Variants in IQCH observed in about 807,000 individuals in gnomAD.
IQCH encodes the protein IQ domain-containing protein H.
A neutral mutation model predicts 117.0 loss-of-function variants in IQCH; 98 were observed. The observed-to-expected ratio is 0.84, with a 90% confidence interval of 0.71 to 0.99. IQCH has a LOEUF of 0.99. Among genes scored for constraint, IQCH ranks in the 50% least tolerant of loss-of-function variants. The probability of loss-of-function intolerance (pLI) is 0.00; values close to 1 mark genes in which losing one functional copy is unlikely to be tolerated. For synonymous variants in IQCH, 412 were observed against 448.2 expected (o/e 0.92, Z 1.02); for missense variants, 1,102 against 1,243.8 (o/e 0.89, Z 1.72).
chr15:67,415,011 C>T (rs1294334431), intron 14 of IQCH, among the ~76,000 whole-genome samples: 1 of 152,102 alleles, frequency 6.6e-6, no homozygotes, highest in African/African-American at 2.4e-5. Context: ...CTTTGGGGCA[C>T]TTCATAAATC....
chr15:67,299,786 G>T (rs1387048483), intron 4 of IQCH, among the ~76,000 whole-genome samples: 1 of 151,936 alleles, frequency 6.6e-6, no homozygotes, highest in Non-Finnish European at 1.5e-5. Flanking sequence ...TGTCTTTTTG[G>T]CAGGACTACT....
chr15:67,301,064 A>G (rs1967002414), intron 4 of IQCH, among the ~76,000 whole-genome samples: 1 of 152,134 alleles, frequency 6.6e-6, no homozygotes. Context: ...AAGAATACAA[A>G]GTTTAGATTG....
Position 67,453,723 on chromosome 15 carries a change from G to A in IQCH, c.2506-11404G>A, listed in dbSNP as rs1404520765. On this transcript the variant is annotated intron_variant, in intron 16 of 20. Coordinates refer to ENST00000335894, the MANE Select transcript of IQCH (RefSeq NM_001031715.3). This position sits in a 1 kb window ranked among gnomAD's most constrained non-coding sequence, Gnocchi z 5.8. ...CCCGTTCTCAGATCTCAAGCTGCAT[G>A]CTGGGAGAACCACTACTCTTCAAAG... Among the ~76,000 whole-genome samples the A allele has an allele frequency of 1.3e-5, 2 of 152,190 alleles. No individual in the cohort carries two copies.
At position 67,401,109 on chromosome 15, in the gene IQCH, T is replaced by G. The variant is rs1453755192; in HGVS notation, c.2097+804T>G. Among the ~76,000 whole-genome samples, 7 of 152,212 alleles carry G rather than the reference T, an allele frequency of 4.6e-5. No individual in the cohort carries two copies. Among genetic ancestry groups the G allele is most frequent in the Admixed American group, 4.6e-4 (7 of 15,278 alleles). On this transcript the variant is annotated intron_variant, in intron 14 of 20. Coordinates refer to ENST00000335894, the MANE Select transcript of IQCH (RefSeq NM_001031715.3). The surrounding 1 kb of genome is among the most constrained non-coding windows in gnomAD (Gnocchi z 4.7). The stretch of plus-strand genomic sequence containing the variant: ...TATGTAAGTGCTGGTCCCTGTGAGA[T>G]GCTGAGAAAATAGTACATTCCAGCC...
chr15:67,488,928 C>T (rs1053343022), intron 18 of IQCH, among the ~76,000 whole-genome samples: 2 of 152,102 alleles, frequency 1.3e-5, no homozygotes, highest in African/African-American at 2.4e-5. Flanking sequence ...AGATCTGGTA[C>T]CAGTCCACAG....
chr15:67,414,104 G>T (rs757611161), intron 14 of IQCH, among the ~76,000 whole-genome samples: 7 of 152,236 alleles, frequency 4.6e-5, no homozygotes, highest in Non-Finnish European at 1.0e-4. Context: ...CGCCCAGGAA[G>T]AATTTGTGGT....
rs570241903 is a variant in IQCH, at chr15:67,370,580, A to G, written c.754-1531A>G. Among the ~76,000 whole-genome samples the G allele has an allele frequency of 1.1e-4, 16 of 152,294 alleles. No homozygotes were observed. The highest frequency in any genetic ancestry group is 3.8e-4 in the African/African-American group (16 of 41,576). The stretch of plus-strand genomic sequence containing the variant: ...AGCACTGGTGGCTGCTGAAGGGGGC[A>G]TTACTTCTCCAACTTTCTCTTGCCC... On this transcript the variant is annotated intron_variant, in intron 8 of 20. Transcript: ENST00000335894. This position sits in a 1 kb window ranked among gnomAD's most constrained non-coding sequence, Gnocchi z 5.6.
At chr15:67,265,354 C>T (rs1176531477) in intron 3 of IQCH, among the ~76,000 whole-genome samples, 15 of 152,266 alleles carry the variant, frequency 9.9e-5, no homozygotes, top group Admixed American at 1.3e-4. Context: ...GAGTTAGTTC[C>T]CAGAAGTGGT....
rs530155941 is a variant in IQCH, at chr15:67,494,855, C to T, written c.2970+489C>T. Among the ~76,000 whole-genome samples the T allele has an allele frequency of 3.6e-4, 55 of 152,270 alleles. No individual in the cohort carries two copies. The highest frequency in any genetic ancestry group is 2.9e-3 in the Admixed American group (44 of 15,284). ...ATGTATGTGGGCCATCTACCCCACC[C>T]GTTTCTCCACCGTGGGTTGGATTAT... On this transcript the variant is annotated intron_variant, in intron 20 of 20. Coordinates refer to ENST00000335894, the MANE Select transcript of IQCH (RefSeq NM_001031715.3). This position sits in a 1 kb window ranked among gnomAD's most constrained non-coding sequence, Gnocchi z 5.5.
chr15:67,500,691 T>G lies in IQCH; in HGVS notation c.3029T>G (p.Phe1010Cys). Residue 1010 changes from phenylalanine (F) to cysteine (C), a missense_variant, in exon 21 of 21, where the codon TTT becomes TGT. Coordinates refer to ENST00000335894, the MANE Select transcript of IQCH (RefSeq NM_001031715.3). The surrounding 1 kb of genome is among the most constrained non-coding windows in gnomAD (Gnocchi z 4.4). ...LRVTKENKMR[F>C]EEEQQSKDDK... is the part of the protein sequence containing the mutation. The stretch of plus-strand genomic sequence containing the variant: ...GTAACAAAGGAAAACAAAATGAGAT[T>G]TGAAGAGGAGCAACAGTCCAAAGAT... 1 of 1,605,640 alleles carries G rather than the reference T, an allele frequency of 6.2e-7. No individual in the cohort carries two copies. The highest frequency in any genetic ancestry group is 8.5e-7 in the Non-Finnish European group (1 of 1,174,418).
At chr15:67,267,450 A>G (rs1292878138) in intron 3 of IQCH, among the ~76,000 whole-genome samples, 1 of 152,214 alleles carries the variant, frequency 6.6e-6, no homozygotes, top group Non-Finnish European at 1.5e-5. Flanking sequence ...CCTGGAACCA[A>G]TATATTTTTG....
At chr15:67,263,964 A>T in intron 3 of IQCH, among the ~76,000 whole-genome samples, 1 of 152,230 alleles carries the variant, frequency 6.6e-6, no homozygotes, top group East Asian at 1.9e-4. Context: ...TGTAGCCCTT[A>T]TTTGTGTTTT....
chr15:67,303,248 CAGAAAGT>C (rs1390062402), intron 4 of IQCH, among the ~76,000 whole-genome samples: 1 of 152,048 alleles, frequency 6.6e-6, no homozygotes, highest in Non-Finnish European at 1.5e-5. Flanking sequence ...TCAGGAGAGA[CAGAAAGT>C]AGATTACTGG....
intron 6 of IQCH, among the ~76,000 whole-genome samples, chr15:67,346,085 CAA>C (rs1389266462): frequency 6.6e-6 from 1 of 151,356 alleles, no homozygotes; most frequent in Non-Finnish European, 1.5e-5. Flanking sequence ...ACCATACAAA[CAA>C]TAATGAAAAG....
chr15:67,279,436 C>G lies in IQCH; in HGVS notation c.311C>G (p.Pro104Arg). 3.1e-6 allele frequency: 5 copies of G among 1,608,066 alleles called. No homozygotes were observed. Among genetic ancestry groups the G allele is most frequent in the Non-Finnish European group, 8.5e-7 (1 of 1,176,246 alleles). ...TVIDQKSFIF[P>R]QESEGTFWQP... ...ATTGATCAGAAATCATTTATTTTCC[C>G]TCAGGAATCTGAGGGTACATTTTGG... is the stretch of plus-strand genomic sequence containing the variant. Residue 104 changes from proline (P) to arginine (R), a missense_variant, in exon 4 of 21, where the codon CCT becomes CGT. This residue lies in a region of IQCH where 452 missense variants were observed against 449.6 expected (regional missense o/e 1.01). Transcript: ENST00000335894.
rs932392404 is a variant in IQCH at position 67,395,072 on chromosome 15, G to A, written c.1633-219G>A. Among the ~76,000 whole-genome samples the A allele has an allele frequency of 5.3e-5, 8 of 152,126 alleles. No homozygotes were observed. The highest frequency in any genetic ancestry group is 7.3e-5 in the Non-Finnish European group (5 of 68,034). ...AATAAATACAGACGTGTAGTAATTA[G>A]TTCTATTCCCAGTGAGCCTATTTCC... On this transcript the variant is annotated intron_variant, in intron 12 of 20. Transcript: ENST00000335894. The surrounding 1 kb of genome is among the most constrained non-coding windows in gnomAD (Gnocchi z 4.0).
intron 16 of IQCH, among the ~76,000 whole-genome samples, chr15:67,434,785 C>CTTTTTTTTT (rs775675138): frequency 7.9e-6 from 1 of 126,846 alleles, no homozygotes; most frequent in African/African-American, 3.0e-5. Flanking sequence ...CTTTTCTTTT[C>CTTTTTTTTT]TTTTTTTTTT....
In IQCH at chr15:67,341,554, C is replaced by T. The variant is rs148730287; in HGVS notation, c.509-2509C>T. ...CTGTGGGGGCCAAGAAAAATCATGC[C>T]TGGGCTTGGCTTCCTGTGAGATACA... is the stretch of plus-strand genomic sequence containing the variant. On this transcript the variant is annotated intron_variant, in intron 5 of 20. Coordinates refer to ENST00000335894, the MANE Select transcript of IQCH (RefSeq NM_001031715.3). 2.2e-3 allele frequency among the ~76,000 whole-genome samples: 329 copies of T among 152,250 alleles called. 3 individuals are homozygous for T. Among genetic ancestry groups the T allele is most frequent in the African/African-American group, 7.7e-3 (318 of 41,554 alleles).
At chr15:67,368,836 TG>T (rs1168021456) in intron 8 of IQCH, among the ~76,000 whole-genome samples, 2 of 152,200 alleles carry the variant, frequency 1.3e-5, no homozygotes, top group African/African-American at 4.8e-5. Flanking sequence ...TAAAGACATT[TG>T]TCTTAGAAAT....
Sources: allele counts gnomAD v4.1 joint callset (sites outside exome capture counted in the v4.1 genomes callset), GRCh38; gene constraint gnomAD v4.1.1; regional missense constraint gnomAD v4.1.1; non-coding constraint Gnocchi (gnomAD v3.1); transcripts MANE v1.5; gene names NCBI Gene and HGNC (gene_info 2026-07-23, HGNC 2026-07-21).